The following ABHD13 variants were observed in gnomAD, a reference collection of about 807,000 sequenced individuals.
The protein encoded by ABHD13 is protein ABHD13.
In ABHD13, 7 loss-of-function variants were observed where a neutral mutation model predicts 25.2. The ratio of observed to expected loss-of-function variants is 0.28; its 90% CI spans 0.16 to 0.52. The LOEUF is 0.52. Ranked by LOEUF, ABHD13 falls within the 20% of genes least tolerant of loss-of-function variation. The pLI, the probability that ABHD13 is intolerant of heterozygous loss-of-function variation, is 0.96. For missense variants in ABHD13, 302 were observed against 402.7 expected, an observed-to-expected ratio of 0.75 and a Z score of 2.14; for synonymous variants, 133 against 136.1, an observed-to-expected ratio of 0.98 and a Z score of 0.16.
chr13:108,224,028 A>T (rs1478086931), intron 1 of ABHD13, among the ~76,000 whole-genome samples: 1 of 152,226 alleles, frequency 6.6e-6, no homozygotes, highest in East Asian at 1.9e-4. Flanking sequence ...AAAACATTGC[A>T]TAAGTTTCCA....
At chr13:108,224,265 C>T (rs972348620) in intron 1 of ABHD13, among the ~76,000 whole-genome samples, 5 of 152,104 alleles carry the variant, frequency 3.3e-5, no homozygotes, top group African/African-American at 1.2e-4. Flanking sequence ...GTTGCTTGAA[C>T]GTTACTGAGT....
At position 108,222,048 on chromosome 13, in the gene ABHD13, C is replaced by T. The variant is rs557499799; in HGVS notation, c.-21+3389C>T. 1.6e-4 allele frequency among the ~76,000 whole-genome samples: 25 copies of T among 152,058 alleles called. No homozygotes were observed. The East Asian group carries it at 3.7e-3, about 22-fold the overall frequency. ...AGAGACGGTGTTTTACCATGTTGCC[C>T]GGACTAGTCTCAAACTCCTGAGCTC... On this transcript the variant is annotated intron_variant, in intron 1 of 1. Transcript: ENST00000375898.
Position 108,230,287 on chromosome 13 carries a change from A to G in ABHD13, c.*55A>G. The G allele has an allele frequency of 7.1e-7, 1 of 1,414,406 alleles. No individual in the cohort carries two copies. The highest frequency in any genetic ancestry group is 9.5e-7 in the Non-Finnish European group (1 of 1,056,694). The allele number at this position is 1,414,406 out of a possible 1,614,324, so 87.6% of individuals were successfully genotyped here. A position where few individuals can be genotyped will look rare whatever the true frequency, so the allele number is the denominator to read the frequency against. ...TTTAATTTGTGCAGAATGATAAAGA[A>G]TGTTCCTTTTAGAAGTGTGTTATGT... On this transcript the variant is annotated 3_prime_UTR_variant, in exon 2 of 2. Coordinates refer to ENST00000375898, the MANE Select transcript of ABHD13 (RefSeq NM_032859.3).
At position 108,227,274 on chromosome 13, in the gene ABHD13, T is replaced by A. The variant is rs181222270; in HGVS notation, c.-20-1925T>A. On this transcript the variant is annotated intron_variant, in intron 1 of 1. Transcript: ENST00000375898. ...TGCCCACTGCTCAGAATACTTTTTT[T>A]AAAATAAATTGAATAATTCGTATAT... Among the ~76,000 whole-genome samples, 520 of 152,228 alleles carry A rather than the reference T, an allele frequency of 3.4e-3. 1 individual carries two copies. Among genetic ancestry groups the A allele is most frequent in the African/African-American group, 0.012 (503 of 41,552 alleles).
At chr13:108,220,855 G>T (rs567445234) in intron 1 of ABHD13, among the ~76,000 whole-genome samples, 1 of 152,288 alleles carries the variant, frequency 6.6e-6, no homozygotes, top group South Asian at 2.1e-4. Context: ...TAGTTTATAG[G>T]TAAAGTTTTA....
rs1879852983 is a variant in ABHD13, at chr13:108,233,489, A to C, written c.*3257A>C. ...ATTGAGATACTGAACTCTTCCACTCATTCTTCTTTCCCATTTTCCTATTAT... is the reference window on the plus strand; with the variant it reads ...ATTGAGATACTGAACTCTTCCACTCCTTCTTCTTTCCCATTTTCCTATTAT... On this transcript the variant is annotated 3_prime_UTR_variant, in exon 2 of 2. Transcript: ENST00000375898. 1 of 166,802 alleles carries C rather than the reference A, an allele frequency of 6.0e-6. No individual in the cohort carries two copies. 10.3% of individuals were successfully genotyped at this position (166,802 alleles called of 1,614,324 possible). A position where few individuals can be genotyped will look rare whatever the true frequency, so the allele number is the denominator to read the frequency against.
chr13:108,226,652 C>T (rs770036047), intron 1 of ABHD13, among the ~76,000 whole-genome samples: 1 of 152,108 alleles, frequency 6.6e-6, no homozygotes, highest in East Asian at 1.9e-4. Flanking sequence ...TCCATGCAGT[C>T]GACTTTATTA....
In ABHD13 at chr13:108,229,094, T is replaced by C; in HGVS notation, c.-20-105T>C. 3 of 804,286 alleles carry C rather than the reference T, an allele frequency of 3.7e-6. No individual in the cohort carries two copies. The highest frequency in any genetic ancestry group is 5.6e-6 in the Non-Finnish European group (3 of 532,724). The allele number at this position is 804,286 out of a possible 1,614,324, so 49.8% of individuals were successfully genotyped here. ...TGTGGATGGACTGTACCTATTACCA[T>C]ATTTAACAATTACATGTGGCCTAGT... is the stretch of plus-strand genomic sequence containing the variant. On this transcript the variant is annotated intron_variant, in intron 1 of 1. Transcript: ENST00000375898. This position sits in a 1 kb window ranked among gnomAD's most constrained non-coding sequence, Gnocchi z 4.7.
intron 1 of ABHD13, among the ~76,000 whole-genome samples, chr13:108,227,903 AG>A (rs1958790057): frequency 6.6e-6 from 1 of 152,050 alleles, no homozygotes; most frequent in South Asian, 2.1e-4. Context: ...ATGCTCAAAA[AG>A]GTTCAGTTCA....
At position 108,233,701 on chromosome 13, in the gene ABHD13, CTA is replaced by C. The variant is rs142217345; in HGVS notation, c.*3482_*3483del. Reference sequence around the variant, plus strand: ...AATGTACTTCTGTTTATTCTTAATACTATATATATATATACACACATAGTTTT... The same window carrying C: ...AATGTACTTCTGTTTATTCTTAATACTATATATATATACACACATAGTTTT... On this transcript the variant is annotated 3_prime_UTR_variant, in exon 2 of 2. Transcript: ENST00000375898. The C allele has an allele frequency of 4.0e-4, 65 of 162,794 alleles. No homozygotes were observed. The highest frequency in any genetic ancestry group is 3.4e-4 in the African/African-American group (14 of 41,058). 10.1% of individuals were successfully genotyped at this position (162,794 alleles called of 1,614,324 possible). A position where few individuals can be genotyped will look rare whatever the true frequency, so the allele number is the denominator to read the frequency against.
chr13:108,232,913 AGT>A lies in ABHD13; in HGVS notation c.*2685_*2686del, dbSNP rs909681101. The stretch of plus-strand genomic sequence containing the variant: ...TAGGATAGAAACAACTAGAAAGGAA[AGT>A]GTGACACAGTTTTTAAATTTAGATG... On this transcript the variant is annotated 3_prime_UTR_variant, in exon 2 of 2. Transcript: ENST00000375898. The A allele has an allele frequency of 2.4e-5, 4 of 166,930 alleles. No homozygotes were observed. The highest frequency in any genetic ancestry group is 2.1e-4 in the South Asian group (1 of 4,832). 10.3% of individuals were successfully genotyped at this position (166,930 alleles called of 1,614,324 possible). A position where few individuals can be genotyped will look rare whatever the true frequency, so the allele number is the denominator to read the frequency against.
chr13:108,226,673 T>C (rs999755336), intron 1 of ABHD13, among the ~76,000 whole-genome samples: 2 of 152,158 alleles, frequency 1.3e-5, no homozygotes, highest in African/African-American at 4.8e-5. Flanking sequence ...GAGGCAGTGT[T>C]TGTTTCTATT....
At chr13:108,219,841 T>C (rs746164467) in intron 1 of ABHD13, among the ~76,000 whole-genome samples, 5 of 152,206 alleles carry the variant, frequency 3.3e-5, no homozygotes, top group Admixed American at 6.5e-5. Context: ...CTAGAGGATC[T>C]ACTACCTGAG....
chr13:108,234,058 G>C lies in ABHD13; in HGVS notation c.*3826G>C, dbSNP rs1233819333. ...ATTTCATAATGTAAATCATATTTTT[G>C]TTATTTGCCATATTTTATTTGAAGT... is the stretch of plus-strand genomic sequence containing the variant. On this transcript the variant is annotated 3_prime_UTR_variant, in exon 2 of 2. Coordinates refer to ENST00000375898, the MANE Select transcript of ABHD13 (RefSeq NM_032859.3). 6.0e-6 allele frequency: 1 copy of C among 166,594 alleles called. No homozygotes were observed. Among genetic ancestry groups the C allele is most frequent in the Non-Finnish European group, 1.5e-5 (1 of 67,912 alleles). 10.3% of individuals were successfully genotyped at this position (166,594 alleles called of 1,614,324 possible).
Position 108,233,967 on chromosome 13 carries a change from G to A in ABHD13, c.*3735G>A, listed in dbSNP as rs779633576. ...TTATAATTATTTCTGTCAGTACAGC[G>A]TATATGGAAAATTCAAGTTGTTTTT... On this transcript the variant is annotated 3_prime_UTR_variant, in exon 2 of 2. Transcript: ENST00000375898. 6 of 166,702 alleles carry A rather than the reference G, an allele frequency of 3.6e-5. No individual in the cohort carries two copies. Among genetic ancestry groups the A allele is most frequent in the East Asian group, 1.9e-4 (1 of 5,194 alleles). The allele number at this position is 166,702 out of a possible 1,614,324, so 10.3% of individuals were successfully genotyped here.
At position 108,231,070 on chromosome 13, in the gene ABHD13, T is replaced by C. The variant is rs142572031; in HGVS notation, c.*838T>C. On this transcript the variant is annotated 3_prime_UTR_variant, in exon 2 of 2. Coordinates refer to ENST00000375898, the MANE Select transcript of ABHD13 (RefSeq NM_032859.3). Reference sequence around the variant, plus strand: ...TTAGCTTCTATCGATTTTGTAAGTCTTCAGCTGAACCACTAATAGCAGTCA... The same window carrying C: ...TTAGCTTCTATCGATTTTGTAAGTCCTCAGCTGAACCACTAATAGCAGTCA... 1.2e-3 allele frequency: 205 copies of C among 166,840 alleles called. 1 individual carries two copies. Among genetic ancestry groups the C allele is most frequent in the East Asian group, 1.9e-4 (1 of 5,194 alleles). The allele number at this position is 166,840 out of a possible 1,614,324, so 10.3% of individuals were successfully genotyped here.
Position 108,230,214 on chromosome 13 carries a change from TA to T in ABHD13, c.998del (p.Asn333MetfsTer2). On this transcript the variant is annotated frameshift_variant, in exon 2 of 2. Transcript: ENST00000375898. LOFTEE classifies it high-confidence loss of function. ...CTGAAGAAATGGCAAAAACTTCATC[TA>T]ATGTAACAATTATATAATGTTTCCC... Reference protein sequence around the residue: ...SPEEMAKTSSNVTII With the variant: ...SPEEMAKTSSXVTII 6.3e-7 allele frequency: 1 copy of T among 1,595,504 alleles called. No homozygotes were observed. Among genetic ancestry groups the T allele is most frequent in the Non-Finnish European group, 8.5e-7 (1 of 1,171,532 alleles).
chr13:108,226,591 C>A (rs951477503), intron 1 of ABHD13, among the ~76,000 whole-genome samples: 1 of 152,240 alleles, frequency 6.6e-6, no homozygotes, highest in African/African-American at 2.4e-5. Context: ...ACCGTTTACT[C>A]ACACTAATTT....
At chr13:108,220,733 G>C (rs958121694) in intron 1 of ABHD13, among the ~76,000 whole-genome samples, 49 of 152,152 alleles carry the variant, frequency 3.2e-4, no homozygotes, top group African/African-American at 1.1e-3. Context: ...TTATGAGCTA[G>C]CCTGAGAATC....
Sources: allele counts gnomAD v4.1 joint callset (sites outside exome capture counted in the v4.1 genomes callset), GRCh38; gene constraint gnomAD v4.1.1; non-coding constraint Gnocchi (gnomAD v3.1); transcripts MANE v1.5; gene names NCBI Gene and HGNC (gene_info 2026-07-23, HGNC 2026-07-21).